SCUBE3: variants seen among roughly 807,000 people sequenced by gnomAD.
SCUBE3 encodes signal peptide, CUB domain and EGF like domain containing 3.
SCUBE3 carries 33 observed loss-of-function variants against 116.8 expected under a neutral mutation model. The observed-to-expected ratio is 0.28, with a 90% CI of 0.21 to 0.38. The LOEUF is 0.38. SCUBE3 is among the 10% of genes least tolerant of loss of function. SCUBE3 has a pLI of 1.00. For missense variants in SCUBE3, 1,007 were observed against 1,324.8 expected, an observed-to-expected ratio of 0.76 and a Z score of 3.72; for synonymous variants, 418 against 496.9, an observed-to-expected ratio of 0.84 and a Z score of 2.11.
At position 35,243,366 on chromosome 6, in the gene SCUBE3, C is replaced by A; in HGVS notation, c.1909+130C>A. On this transcript the variant is annotated intron_variant, in intron 15 of 21. Transcript: ENST00000274938. The surrounding 1 kb of genome is among the most constrained non-coding windows in gnomAD (Gnocchi z 6.6). Reference sequence around the variant, plus strand: ...CAGCCAGGATGCTCCTGCCCGCTGTCCTCCCTTCCTTGGTTCCAGGCTGAA... The same window carrying A: ...CAGCCAGGATGCTCCTGCCCGCTGTACTCCCTTCCTTGGTTCCAGGCTGAA... 1 of 891,022 alleles carries A rather than the reference C, an allele frequency of 1.1e-6. No individual in the cohort carries two copies. Among genetic ancestry groups the A allele is most frequent in the South Asian group, 1.6e-5 (1 of 62,874 alleles). The allele number at this position is 891,022 out of a possible 1,614,324, so 55.2% of individuals were successfully genotyped here. A position where few individuals can be genotyped will look rare whatever the true frequency, so the allele number is the denominator to read the frequency against.
chr6:35,242,180 G>A (rs1479316974), intron 12 of SCUBE3, 24 bp from the exon 13 acceptor site: 1 of 1,545,980 alleles, frequency 6.5e-7, no homozygotes, highest in Non-Finnish European at 8.9e-7. Context: ...CCCATACTGT[G>A]CTGAGTTTCT....
rs1403343257 is a variant in SCUBE3, at chr6:35,243,031, G to C, written c.1704G>C (p.Gly568=). ...VRAEETTASC[G]LPCLRQRMER... is the part of the protein sequence containing the mutation. Reference sequence around the variant, plus strand: ...GCCATCCACCACCAGCCAGCTGTGGGCTGCCCTGCCTCCGACAGCGAATGG... The same window carrying C: ...GCCATCCACCACCAGCCAGCTGTGGCCTGCCCTGCCTCCGACAGCGAATGG... The change falls in exon 15 of 22, where the codon GGG becomes GGC. Residue 568 remains glycine (G), a synonymous_variant. Coordinates refer to ENST00000274938, the MANE Select transcript of SCUBE3 (RefSeq NM_152753.4). The surrounding 1 kb of genome is among the most constrained non-coding windows in gnomAD (Gnocchi z 6.6). The C allele has an allele frequency of 6.2e-7, 1 of 1,614,056 alleles. No homozygotes were observed. The highest frequency in any genetic ancestry group is 2.2e-5 in the East Asian group (1 of 44,884).
chr6:35,245,488 AAG>A lies in SCUBE3; in HGVS notation c.2599+71_2599+72del. ...CCAAATCTGGTTAAGGCGGAGAACA[AAG>A]AGAGAGACTGATACAGGAAGAAATG... On this transcript the variant is annotated intron_variant, in intron 19 of 21. Transcript: ENST00000274938. This position sits in a 1 kb window ranked among gnomAD's most constrained non-coding sequence, Gnocchi z 4.2. The A allele has an allele frequency of 1.5e-6, 2 of 1,367,510 alleles. No individual in the cohort carries two copies. Among genetic ancestry groups the A allele is most frequent in the East Asian group, 2.3e-5 (1 of 43,648 alleles). 84.7% of individuals were successfully genotyped at this position (1,367,510 alleles called of 1,614,324 possible).
Position 35,243,949 on chromosome 6 carries a change from T to G in SCUBE3, c.2072-14T>G. On this transcript the variant is annotated splice_polypyrimidine_tract_variant and intron_variant, in intron 16 of 21. Transcript: ENST00000274938. This position sits in a 1 kb window ranked among gnomAD's most constrained non-coding sequence, Gnocchi z 6.6. ...GACCATCCCCATCAGAGTTGGGCCC[T>G]TGATTCATTGCAGGTCAGTGCCCAC... is the stretch of plus-strand genomic sequence containing the variant. The G allele has an allele frequency of 6.2e-7, 1 of 1,612,122 alleles. No homozygotes were observed. The highest frequency in any genetic ancestry group is 8.5e-7 in the Non-Finnish European group (1 of 1,178,788).
At position 35,240,716 on chromosome 6, in the gene SCUBE3, A is replaced by T. The variant is rs952573109; in HGVS notation, c.1069+226A>T. On this transcript the variant is annotated intron_variant, in intron 9 of 21. Coordinates refer to ENST00000274938, the MANE Select transcript of SCUBE3 (RefSeq NM_152753.4). The surrounding 1 kb of genome is among the most constrained non-coding windows in gnomAD (Gnocchi z 4.6). ...AAAATTCCTATCTCCCATTCCTATA[A>T]CTGTCCCTGAACCCCCACTCTCAGC... Among the ~76,000 whole-genome samples the T allele has an allele frequency of 3.9e-5, 6 of 152,122 alleles. No homozygotes were observed. The highest frequency in any genetic ancestry group is 1.4e-4 in the African/African-American group (6 of 41,422).
At chr6:35,229,005 T>A (rs1206889933) in intron 3 of SCUBE3, among the ~76,000 whole-genome samples, 2 of 152,080 alleles carry the variant, frequency 1.3e-5, no homozygotes, top group African/African-American at 4.8e-5. Flanking sequence ...TGGTGAGGCA[T>A]GGTAGGAAGC....
rs374795413 is a variant in SCUBE3 at position 35,241,768 on chromosome 6, G to C, written c.1313-38G>C. The C allele has an allele frequency of 8.9e-6, 14 of 1,565,994 alleles. No individual in the cohort carries two copies. In the African/African-American group the frequency reaches 1.8e-4, roughly 20 times the overall value. On this transcript the variant is annotated intron_variant, in intron 11 of 21. Transcript: ENST00000274938. The surrounding 1 kb of genome is among the most constrained non-coding windows in gnomAD (Gnocchi z 4.1). ...GATTCCTCCAGCCAGCGGGGGTTGGGAAGGCAGGTCAGAACTGTGACAGGC... is the reference window on the plus strand; with the variant it reads ...GATTCCTCCAGCCAGCGGGGGTTGGCAAGGCAGGTCAGAACTGTGACAGGC...
rs1783032736 is a variant in SCUBE3 at position 35,219,108 on chromosome 6, G to C, written c.85+4605G>C. ...TGCCTGCCTGAGGCTAGGTCATCTG[G>C]ATACTCTTCCTTTCTTCCCCCACCC... On this transcript the variant is annotated intron_variant, in intron 1 of 21. Transcript: ENST00000274938. This position sits in a 1 kb window ranked among gnomAD's most constrained non-coding sequence, Gnocchi z 4.7. Among the ~76,000 whole-genome samples, 3 of 152,094 alleles carry C rather than the reference G, an allele frequency of 2.0e-5. No homozygotes were observed.
At chr6:35,246,425 T>A (rs1001880577) in intron 21 of SCUBE3, 140 bp downstream of exon 21, 1 of 658,992 alleles carries the variant, frequency 1.5e-6, no homozygotes, top group South Asian at 1.9e-5. Flanking sequence ...CTCCATTGCT[T>A]CTTTACAGAT....
In SCUBE3 at chr6:35,232,629, G is replaced by T. The variant is rs575174059; in HGVS notation, c.470-221G>T. Among the ~76,000 whole-genome samples, 1 of 152,260 alleles carries T rather than the reference G, an allele frequency of 6.6e-6. No homozygotes were observed. The highest frequency in any genetic ancestry group is 2.1e-4 in the South Asian group (1 of 4,824). On this transcript the variant is annotated intron_variant, in intron 4 of 21. Transcript: ENST00000274938. This position sits in a 1 kb window ranked among gnomAD's most constrained non-coding sequence, Gnocchi z 4.2. ...TCGTTGGGATGAGTATCAATAGCTA[G>T]CTAGTTATACATCATTCAGAACAGC... is the stretch of plus-strand genomic sequence containing the variant.
At position 35,239,408 on chromosome 6, in the gene SCUBE3, G is replaced by A. The variant is rs1174755385; in HGVS notation, c.830-344G>A. 6.6e-6 allele frequency among the ~76,000 whole-genome samples: 1 copy of A among 151,992 alleles called. No individual in the cohort carries two copies. Among genetic ancestry groups the A allele is most frequent in the Non-Finnish European group, 1.5e-5 (1 of 67,988 alleles). On this transcript the variant is annotated intron_variant, in intron 7 of 21. Transcript: ENST00000274938. The surrounding 1 kb of genome is among the most constrained non-coding windows in gnomAD (Gnocchi z 4.1). The stretch of plus-strand genomic sequence containing the variant: ...GAATGGCCATCAGCTGGAGACTAAG[G>A]GCTAGCCTGTTAGGTCAAATGCCCA...
chr6:35,240,528 C>G lies in SCUBE3; in HGVS notation c.1069+38C>G. The G allele has an allele frequency of 9.2e-7, 1 of 1,081,252 alleles. No individual in the cohort carries two copies. Among genetic ancestry groups the G allele is most frequent in the South Asian group, 1.4e-5 (1 of 71,368 alleles). 67.0% of individuals were successfully genotyped at this position (1,081,252 alleles called of 1,614,324 possible). ...GCTTGCACCCCCAGCCACCCTGGCC[C>G]CCTCACCTCTTCACCCTCCAATTGA... On this transcript the variant is annotated intron_variant, in intron 9 of 21. Coordinates refer to ENST00000274938, the MANE Select transcript of SCUBE3 (RefSeq NM_152753.4). This position sits in a 1 kb window ranked among gnomAD's most constrained non-coding sequence, Gnocchi z 4.6.
At chr6:35,218,459 T>C (rs1167926659) in intron 1 of SCUBE3, among the ~76,000 whole-genome samples, 1 of 152,136 alleles carries the variant, frequency 6.6e-6, no homozygotes, top group Admixed American at 6.5e-5. Context: ...ACTCAGTCCT[T>C]TCCCCCAGCT....
In SCUBE3 at chr6:35,239,205, C is replaced by G. The variant is rs556729391; in HGVS notation, c.830-547C>G. Among the ~76,000 whole-genome samples, 20 of 152,164 alleles carry G rather than the reference C, an allele frequency of 1.3e-4. No homozygotes were observed. The East Asian group carries it at 3.9e-3, about 29-fold the overall frequency. ...CTCCCCCATCAGCTACCCAGCCTCA[C>G]TGGCTCTCCTGGAGGTCCTCCCTGC... On this transcript the variant is annotated intron_variant, in intron 7 of 21. Transcript: ENST00000274938. The surrounding 1 kb of genome is among the most constrained non-coding windows in gnomAD (Gnocchi z 4.1).
Position 35,241,095 on chromosome 6 carries a change from C to T in SCUBE3, c.1070-46C>T, listed in dbSNP as rs760813185. The stretch of plus-strand genomic sequence containing the variant: ...CTCACTGCCTACTCTCCGGCTCCTC[C>T]TCCAACTCCATCGTTGTTTTTCTGT... On this transcript the variant is annotated intron_variant, in intron 9 of 21. Transcript: ENST00000274938. The surrounding 1 kb of genome is among the most constrained non-coding windows in gnomAD (Gnocchi z 4.1). The T allele has an allele frequency of 6.4e-7, 1 of 1,557,424 alleles. No individual in the cohort carries two copies. The highest frequency in any genetic ancestry group is 8.8e-7 in the Non-Finnish European group (1 of 1,142,738).
chr6:35,227,522 A>G, intron 1 of SCUBE3, 58 bp from the exon 2 acceptor site: 2 of 1,600,728 alleles, frequency 1.2e-6, no homozygotes, highest in East Asian at 2.2e-5. Context: ...CCCACCTTCA[A>G]GACACCCCTT....
At position 35,252,369 on chromosome 6, in the gene SCUBE3, A is replaced by T. The variant is rs1784583180; in HGVS notation, c.*3664A>T. On this transcript the variant is annotated 3_prime_UTR_variant, in exon 22 of 22. Coordinates refer to ENST00000274938, the MANE Select transcript of SCUBE3 (RefSeq NM_152753.4). The stretch of plus-strand genomic sequence containing the variant: ...TTTGTTGCTGAAAGTTCAGTAACAC[A>T]GTCCTGGTCTTTGGCCCTAGAGAAA... 1 of 152,244 alleles carries T rather than the reference A, an allele frequency of 6.6e-6. No homozygotes were observed. Among genetic ancestry groups the T allele is most frequent in the African/African-American group, 2.4e-5 (1 of 41,456 alleles). 9.4% of individuals were successfully genotyped at this position (152,244 alleles called of 1,614,324 possible).
Position 35,238,046 on chromosome 6 carries a change from A to C in SCUBE3, c.829+28A>C, listed in dbSNP as rs1453475966. Reference sequence around the variant, plus strand: ...AAGGACTTTGAGAGGACAGAAGCAGAGTGACCTTTGGTAAGGGGCTGAGGT... The same window carrying C: ...AAGGACTTTGAGAGGACAGAAGCAGCGTGACCTTTGGTAAGGGGCTGAGGT... On this transcript the variant is annotated intron_variant, in intron 7 of 21. Coordinates refer to ENST00000274938, the MANE Select transcript of SCUBE3 (RefSeq NM_152753.4). The C allele has an allele frequency of 2.9e-6, 4 of 1,392,814 alleles. No individual in the cohort carries two copies. The South Asian group carries it at 4.7e-5, about 17-fold the overall frequency. 86.3% of individuals were successfully genotyped at this position (1,392,814 alleles called of 1,614,324 possible). A position where few individuals can be genotyped will look rare whatever the true frequency, so the allele number is the denominator to read the frequency against.
intron 13 of SCUBE3, 137 bp downstream of exon 13, chr6:35,242,457 C>T (rs1784115129): frequency 4.4e-6 from 4 of 898,888 alleles, no homozygotes; most frequent in Middle Eastern, 2.6e-4. Flanking sequence ...GTAGGCATAG[C>T]ACCCAAGGAA....
Sources: allele counts gnomAD v4.1 joint callset (sites outside exome capture counted in the v4.1 genomes callset), GRCh38; gene constraint gnomAD v4.1.1; non-coding constraint Gnocchi (gnomAD v3.1); transcripts MANE v1.5; gene names NCBI Gene and HGNC (gene_info 2026-07-23, HGNC 2026-07-21).